WWOX: variants seen among roughly 807,000 people sequenced by gnomAD.
The protein encoded by WWOX is WW domain-containing oxidoreductase.
WWOX carries 69 observed loss-of-function variants against 46.2 expected under a neutral mutation model. The ratio of observed to expected loss-of-function variants is 1.49; its 90% CI spans 1.23 to 1.82. The LOEUF (loss-of-function observed/expected upper bound fraction) is 1.82, where lower values mean the gene tolerates loss of function less well. Ranked by LOEUF, WWOX falls within the 40% of genes most tolerant of loss-of-function variation. WWOX has a pLI of 0.00. For synonymous variants in WWOX, 359 were observed against 202.6 expected (o/e 1.77, Z -6.56); for missense variants, 919 against 542.6 (o/e 1.69, Z -6.89).
chr16:79,112,406 T>C (rs1205354038), intron 8 of WWOX, among the ~76,000 whole-genome samples: 1 of 152,174 alleles, frequency 6.6e-6, no homozygotes, highest in Non-Finnish European at 1.5e-5. Context: ...GCTCATACCC[T>C]GGACCAAGAA....
chr16:79,209,933 G>A (rs193277350), intron 8 of WWOX, among the ~76,000 whole-genome samples: 4 of 152,180 alleles, frequency 2.6e-5, no homozygotes, highest in Non-Finnish European at 4.4e-5. Flanking sequence ...CAAATCAATG[G>A]GAAAAGAAAC....
intron 8 of WWOX, among the ~76,000 whole-genome samples, chr16:78,974,987 G>A (rs1031322545): frequency 6.6e-6 from 1 of 152,132 alleles, no homozygotes; most frequent in African/African-American, 2.4e-5. Context: ...CTTGTGGAAG[G>A]GACTCCCCAG....
intron 8 of WWOX, among the ~76,000 whole-genome samples, chr16:78,663,406 CTTTG>C (rs1378393333): frequency 6.6e-6 from 1 of 152,106 alleles, no homozygotes; most frequent in African/African-American, 2.4e-5. Context: ...ATATATTATA[CTTTG>C]TTTATCCATT....
At chr16:78,118,413 A>G (rs1444293604) in intron 4 of WWOX, among the ~76,000 whole-genome samples, 1 of 152,144 alleles carries the variant, frequency 6.6e-6, no homozygotes, top group African/African-American at 2.4e-5. Context: ...ATAGGCAGGT[A>G]TTACCGCTGC....
At chr16:78,774,246 C>G (rs756116141) in intron 8 of WWOX, among the ~76,000 whole-genome samples, 12 of 152,020 alleles carry the variant, frequency 7.9e-5, no homozygotes, top group Non-Finnish European at 1.8e-4. Flanking sequence ...ACTCAAAATA[C>G]AAAAATTAGC....
intron 8 of WWOX, among the ~76,000 whole-genome samples, chr16:78,642,680 G>A (rs908975053): frequency 1.3e-5 from 2 of 152,074 alleles, no homozygotes; most frequent in African/African-American, 4.8e-5. Flanking sequence ...GGTGTCCATG[G>A]CAGTTCCCAC....
intron 6 of WWOX, among the ~76,000 whole-genome samples, chr16:78,406,906 G>A (rs183113718): frequency 1.2e-3 from 178 of 152,290 alleles, no homozygotes; most frequent in Admixed American, 2.4e-3. Flanking sequence ...GATTACAGGC[G>A]TCAGCCACTG....
chr16:78,412,883 C>T (rs1409813344), intron 6 of WWOX, among the ~76,000 whole-genome samples: 1 of 152,164 alleles, frequency 6.6e-6, no homozygotes, highest in African/African-American at 2.4e-5. Flanking sequence ...CGAGTGCAAC[C>T]TGCCTAGGTC....
chr16:78,865,852 C>T (rs1442167876), intron 8 of WWOX, among the ~76,000 whole-genome samples: 3 of 152,210 alleles, frequency 2.0e-5, no homozygotes, highest in Non-Finnish European at 4.4e-5. Flanking sequence ...GCACTCCAGC[C>T]TGGGCGATGA....
intron 8 of WWOX, among the ~76,000 whole-genome samples, chr16:78,765,856 A>G (rs767427620): frequency 3.9e-5 from 6 of 152,182 alleles, no homozygotes; most frequent in Non-Finnish European, 8.8e-5. Context: ...GGGAACAGAG[A>G]GGACAGAGTG....
At chr16:79,210,522 G>C (rs530040232) in intron 8 of WWOX, among the ~76,000 whole-genome samples, 1 of 152,098 alleles carries the variant, frequency 6.6e-6, no homozygotes, top group East Asian at 1.9e-4. Flanking sequence ...CCTTGTGGGG[G>C]CGAGCTTATC....
intron 8 of WWOX, among the ~76,000 whole-genome samples, chr16:78,906,394 C>G (rs1005398597): frequency 6.6e-6 from 1 of 152,146 alleles, no homozygotes; most frequent in Non-Finnish European, 1.5e-5. Context: ...TAAGGATTTC[C>G]TCTCCTTCCT....
At chr16:78,510,062 C>T (rs2085322438) in intron 8 of WWOX, among the ~76,000 whole-genome samples, 1 of 126,336 alleles carries the variant, frequency 7.9e-6, no homozygotes, top group African/African-American at 2.8e-5. Flanking sequence ...ATCCTGTCTC[C>T]AAGTCTGTCT....
Position 78,731,371 on chromosome 16 carries a change from T to C in WWOX, c.1056+298619T>C, listed in dbSNP as rs150469711. Among the ~76,000 whole-genome samples the C allele has an allele frequency of 2.4e-3, 365 of 152,284 alleles. 2 individuals are homozygous for C. Among genetic ancestry groups the C allele is most frequent in the Non-Finnish European group, 3.8e-3 (259 of 68,024 alleles). ...TTTCCGCACCTTTTTATAGATTGCATGACTTCAAAGATGCACACTAATACT... is the reference window on the plus strand; with the variant it reads ...TTTCCGCACCTTTTTATAGATTGCACGACTTCAAAGATGCACACTAATACT... On this transcript the variant is annotated intron_variant, in intron 8 of 8. Coordinates refer to ENST00000566780, the MANE Select transcript of WWOX (RefSeq NM_016373.4).
Position 78,340,017 on chromosome 16 carries a change from T to TGGCG in WWOX, c.517-46841_517-46840insCGGG, listed in dbSNP as rs1555522670. ...TCTTCTAGTCTTTCCATGGATTTGG[T>TGGCG]GGGGGGGGGGGGGACGTTTCTATTT... On this transcript the variant is annotated intron_variant, in intron 5 of 8. Coordinates refer to ENST00000566780, the MANE Select transcript of WWOX (RefSeq NM_016373.4). Among the ~76,000 whole-genome samples the TGGCG allele has an allele frequency of 3.0e-4, 2 of 6,776 alleles. 1 individual carries two copies. Among genetic ancestry groups the TGGCG allele is most frequent in the Non-Finnish European group, 6.8e-4 (2 of 2,952 alleles). The allele number at this position is 6,776 out of a possible 152,430, so 4.4% of individuals were successfully genotyped here. A position where few individuals can be genotyped will look rare whatever the true frequency, so the allele number is the denominator to read the frequency against.
At chr16:78,626,724 C>T (rs1177554175) in intron 8 of WWOX, among the ~76,000 whole-genome samples, 3 of 152,092 alleles carry the variant, frequency 2.0e-5, no homozygotes, top group Admixed American at 6.5e-5. Context: ...TCTCACTCTT[C>T]GAGGGTAGAG....
At chr16:78,325,999 T>G (rs747757817) in intron 5 of WWOX, among the ~76,000 whole-genome samples, 37 of 152,232 alleles carry the variant, frequency 2.4e-4, no homozygotes, top group Admixed American at 1.3e-4. Context: ...AGGGCTCTTT[T>G]GCAGATGAGG....
At chr16:78,471,354 C>G (rs956626515) in intron 8 of WWOX, among the ~76,000 whole-genome samples, 1 of 152,208 alleles carries the variant, frequency 6.6e-6, no homozygotes, top group Non-Finnish European at 1.5e-5. Context: ...ATGTAACAGG[C>G]ATCTCTCACC....
At chr16:78,302,119 C>G (rs1002510641) in intron 5 of WWOX, among the ~76,000 whole-genome samples, 1 of 152,060 alleles carries the variant, frequency 6.6e-6, no homozygotes, top group Admixed American at 6.5e-5. Context: ...TGCCACCATG[C>G]CCGGCTAACT....
Sources: allele counts gnomAD v4.1 joint callset (sites outside exome capture counted in the v4.1 genomes callset), GRCh38; gene constraint gnomAD v4.1.1; transcripts MANE v1.5; gene names NCBI Gene and HGNC (gene_info 2026-07-23, HGNC 2026-07-21).